Variants in KANK1 observed in about 807,000 individuals in gnomAD.
The protein encoded by KANK1 is KN motif and ankyrin repeat domains 1.
KANK1 carries 109 observed loss-of-function variants against 106.2 expected under a neutral mutation model. The ratio of observed to expected loss-of-function variants is 1.03; its 90% CI spans 0.88 to 1.20. The LOEUF (loss-of-function observed/expected upper bound fraction) is 1.20, where lower values mean the gene tolerates loss of function less well. KANK1 is among the 50% of genes most tolerant of loss of function. KANK1 has a pLI of 0.00. For missense variants in KANK1, 2,399 were observed against 1,710.7 expected (o/e 1.40, Z -7.10); for synonymous variants, 873 against 652.2 (o/e 1.34, Z -5.16).
chr9:617,629 A>C (rs1299896632), intron 1 of KANK1, among the ~76,000 whole-genome samples: 1 of 152,132 alleles, frequency 6.6e-6, no homozygotes. Flanking sequence ...GGGGAGGCAC[A>C]CCAATATGGG....
intron 2 of KANK1, among the ~76,000 whole-genome samples, chr9:691,615 T>TTTTCTTTC (rs1170120299): frequency 2.1e-5 from 3 of 140,408 alleles, no homozygotes; most frequent in African/African-American, 7.9e-5. Flanking sequence ...ACCAGAATTT[T>TTTTCTTTC]TTTTTTTTTT....
chr9:526,754 A>T (rs2059810135), intron 1 of KANK1, among the ~76,000 whole-genome samples: 1 of 151,622 alleles, frequency 6.6e-6, no homozygotes. Flanking sequence ...GAAAATGCTG[A>T]TATTTGACTG....
In KANK1 at chr9:602,622, A is replaced by G. The variant is rs72689664; in HGVS notation, c.-83-74268A>G. ...ATAGAGGTAAATACCTGGATTTACA[A>G]TGTGTAACTACAGATTCATCATCCT... On this transcript the variant is annotated intron_variant, in intron 1 of 11. Transcript: ENST00000382297. Among the ~76,000 whole-genome samples the G allele has an allele frequency of 4.5e-3, 687 of 151,974 alleles. 10 individuals are homozygous for G. Among genetic ancestry groups the G allele is most frequent in the Non-Finnish European group, 7.6e-3 (514 of 68,034 alleles).
chr9:609,251 T>G (rs922284479), intron 1 of KANK1, among the ~76,000 whole-genome samples: 1 of 152,374 alleles, frequency 6.6e-6, no homozygotes, highest in Admixed American at 6.5e-5. Context: ...TTTATAAGTT[T>G]ATTGTTTGTA....
Position 531,494 on chromosome 9 carries a change from C to T in KANK1, c.-84+26740C>T, listed in dbSNP as rs567481184. On this transcript the variant is annotated intron_variant, in intron 1 of 11. Transcript: ENST00000382297. ...AGATCGGCTTACAAATCAGAACATT[C>T]AGGCTTGAGGAAGAGAAAAAGCAAT... Among the ~76,000 whole-genome samples the T allele has an allele frequency of 8.5e-5, 13 of 152,276 alleles. No individual in the cohort carries two copies. The South Asian group carries it at 2.7e-3, about 32-fold the overall frequency.
chr9:644,776 C>T (rs968988914), intron 1 of KANK1, among the ~76,000 whole-genome samples: 2 of 150,950 alleles, frequency 1.3e-5, no homozygotes, highest in African/African-American at 5.0e-5. Context: ...ATTAATATTA[C>T]TATTAACCTG....
intron 2 of KANK1, among the ~76,000 whole-genome samples, chr9:688,933 C>T (rs1402122970): frequency 6.6e-6 from 1 of 152,150 alleles, no homozygotes; most frequent in Non-Finnish European, 1.5e-5. Context: ...TCCTTCTTTC[C>T]CACTGTTTTC....
intron 1 of KANK1, among the ~76,000 whole-genome samples, chr9:603,308 G>T (rs189667735): frequency 6.6e-6 from 1 of 152,008 alleles, no homozygotes; most frequent in Admixed American, 6.5e-5. Context: ...TTTCAGTTCA[G>T]AAACGTGGCT....
In KANK1 at chr9:588,829, C is replaced by T. The variant is rs142030423; in HGVS notation, c.-84+84075C>T. ...AAATGAAAATAGTAATAAAAGCCCTCTGGTAAAGTACTTTAGAACAGTGCC... is the reference window on the plus strand; with the variant it reads ...AAATGAAAATAGTAATAAAAGCCCTTTGGTAAAGTACTTTAGAACAGTGCC... On this transcript the variant is annotated intron_variant, in intron 1 of 11. Coordinates refer to ENST00000382297, the MANE Select transcript of KANK1 (RefSeq NM_015158.5). Among the ~76,000 whole-genome samples, 405 of 152,270 alleles carry T rather than the reference C, an allele frequency of 2.7e-3. 6 individuals carry two copies. In the Middle Eastern group the frequency reaches 0.054, roughly 20 times the overall value.
chr9:736,321 A>G (rs1833799674), intron 7 of KANK1, among the ~76,000 whole-genome samples: 1 of 152,156 alleles, frequency 6.6e-6, no homozygotes, highest in South Asian at 2.1e-4. Context: ...GTTTTGTATT[A>G]CATATTTTTT....
rs751708696 is a variant in KANK1, at chr9:740,943, G to A, written c.3696+9G>A. On this transcript the variant is annotated intron_variant, in intron 9 of 11. Transcript: ENST00000382297. ...ATGCCAAAGCTAGTCAGGTTAGTGC[G>A]CCTGGTTCCTGTGCTCAGGAATGCA... is the stretch of plus-strand genomic sequence containing the variant. 65 of 1,613,658 alleles carry A rather than the reference G, an allele frequency of 4.0e-5. 1 individual carries two copies. In the South Asian group the frequency reaches 5.5e-4, roughly 14 times the overall value.
chr9:694,227 C>T (rs1053011571), intron 2 of KANK1, among the ~76,000 whole-genome samples: 3 of 152,152 alleles, frequency 2.0e-5, no homozygotes, highest in African/African-American at 7.2e-5. Context: ...ACTACCACCC[C>T]ACCTCCCCCT....
chr9:685,855 C>G (rs189165751), intron 2 of KANK1, among the ~76,000 whole-genome samples: 1 of 152,204 alleles, frequency 6.6e-6, no homozygotes. Context: ...CATCCATCAG[C>G]TTTGCAAATA....
At chr9:662,004 C>T (rs1843434028) in intron 1 of KANK1, among the ~76,000 whole-genome samples, 1 of 152,078 alleles carries the variant, frequency 6.6e-6, no homozygotes, top group Non-Finnish European at 1.5e-5. Context: ...TGTTTAAGTT[C>T]TTTGTAGAAT....
At chr9:655,803 G>C (rs1842019326) in intron 1 of KANK1, among the ~76,000 whole-genome samples, 1 of 152,152 alleles carries the variant, frequency 6.6e-6, no homozygotes, top group African/African-American at 2.4e-5. Flanking sequence ...CCCTTCCCTT[G>C]ATGGCTAAAA....
chr9:608,031 A>ATTTTTTTTTTTT (rs1175822024), intron 1 of KANK1, among the ~76,000 whole-genome samples: 5 of 88,100 alleles, frequency 5.7e-5, no homozygotes, highest in African/African-American at 2.1e-4. Flanking sequence ...TATTATTATT[A>ATTTTTTTTTTTT]TTATTTTTTT....
chr9:562,123 G>T (rs1000103251), intron 1 of KANK1, among the ~76,000 whole-genome samples: 1 of 139,870 alleles, frequency 7.1e-6, no homozygotes, highest in African/African-American at 2.6e-5. Context: ...CGCAATCTCG[G>T]CTCACTGCAA....
At chr9:560,398 A>C (rs1228720073) in intron 1 of KANK1, among the ~76,000 whole-genome samples, 1 of 152,186 alleles carries the variant, frequency 6.6e-6, no homozygotes, top group African/African-American at 2.4e-5. Flanking sequence ...GTGCTATTCT[A>C]ACTTTTCCAT....
chr9:623,545 C>T (rs564831972), intron 1 of KANK1, among the ~76,000 whole-genome samples: 2 of 149,126 alleles, frequency 1.3e-5, no homozygotes, highest in African/African-American at 2.5e-5. Context: ...GTCGAGACTG[C>T]ATTGAGCCAA....
Sources: gnomAD v4.1 joint callset for allele counts (sites outside exome capture counted in the v4.1 genomes callset) on GRCh38, gnomAD v4.1.1 for gene constraint, MANE v1.5 for transcripts, NCBI Gene and HGNC (gene_info 2026-07-23, HGNC 2026-07-21) for gene names.